CAMTA1: variants seen among roughly 807,000 people sequenced by gnomAD.
CAMTA1 encodes calmodulin binding transcription activator 1.
In CAMTA1, 27 loss-of-function variants were observed where a neutral mutation model predicts 170.9. The observed-to-expected ratio is 0.16, with a 90% confidence interval of 0.12 to 0.22. The LOEUF (loss-of-function observed/expected upper bound fraction) is 0.22. CAMTA1 is among the 10% of genes least tolerant of loss of function. CAMTA1 has a pLI of 1.00. For missense variants in CAMTA1, 1,619 were observed against 2,217.2 expected (o/e 0.73, Z 5.42); for synonymous variants, 833 against 891.5 (o/e 0.93, Z 1.17).
intron 4 of CAMTA1, among the ~76,000 whole-genome samples, chr1:7,214,778 C>T (rs1659451884): frequency 6.6e-6 from 1 of 152,018 alleles, no homozygotes; most frequent in African/African-American, 2.4e-5. Flanking sequence ...AAATTTTCTC[C>T]TATGTTTTAA....
At chr1:7,717,103 A>G (rs750251514) in intron 11 of CAMTA1, among the ~76,000 whole-genome samples, 3 of 152,170 alleles carry the variant, frequency 2.0e-5, no homozygotes, top group Non-Finnish European at 4.4e-5. Flanking sequence ...TAGAATAGTC[A>G]TTACCAGAGG....
chr1:7,221,809 G>A (rs1451980825), intron 4 of CAMTA1, among the ~76,000 whole-genome samples: 1 of 152,130 alleles, frequency 6.6e-6, no homozygotes, highest in African/African-American at 2.4e-5. Context: ...ATAAAGGAAT[G>A]GCAAAGTTTT....
chr1:7,130,130 G>A (rs1173255191), intron 4 of CAMTA1, among the ~76,000 whole-genome samples: 1 of 151,942 alleles, frequency 6.6e-6, no homozygotes, highest in Admixed American at 6.6e-5. Flanking sequence ...GTAGAGACGG[G>A]GTTTCACCAT....
intron 5 of CAMTA1, among the ~76,000 whole-genome samples, chr1:7,303,278 A>C (rs1381943797): frequency 6.6e-6 from 1 of 152,226 alleles, no homozygotes; most frequent in Non-Finnish European, 1.5e-5. Context: ...GCTTTGAATT[A>C]AAGAAACATT....
At chr1:7,627,897 A>C (rs1281193995) in intron 6 of CAMTA1, among the ~76,000 whole-genome samples, 2 of 152,220 alleles carry the variant, frequency 1.3e-5, no homozygotes, top group Admixed American at 6.5e-5. Context: ...AGTTCTCAGC[A>C]ATCATAGCGG....
intron 21 of CAMTA1, among the ~76,000 whole-genome samples, chr1:7,753,391 T>C (rs2096910957): frequency 6.6e-6 from 1 of 152,202 alleles, no homozygotes; most frequent in Non-Finnish European, 1.5e-5. Context: ...TGTGGTTGGG[T>C]TGTTGCTCTG....
At chr1:6,940,599 A>G (rs970415256) in intron 3 of CAMTA1, among the ~76,000 whole-genome samples, 1 of 152,118 alleles carries the variant, frequency 6.6e-6, no homozygotes, top group Non-Finnish European at 1.5e-5. Context: ...CCTCCTGGGG[A>G]CCTAGTGCCA....
In CAMTA1 at chr1:7,521,550, C is replaced by CT. The variant is rs1038730476; in HGVS notation, c.510+53659dup. ...CACCACCGTTGCATGTCCACAGTTC[C>CT]TTTTTTTTTTCAGATGGAGGCTTGC... On this transcript the variant is annotated intron_variant, in intron 6 of 22. Transcript: ENST00000303635. Among the ~76,000 whole-genome samples the CT allele has an allele frequency of 7.0e-3, 1,037 of 147,814 alleles. 13 individuals are homozygous for CT. Among genetic ancestry groups the CT allele is most frequent in the African/African-American group, 0.024 (969 of 40,362 alleles).
At position 7,199,519 on chromosome 1, in the gene CAMTA1, C is replaced by G. The variant is rs541613332; in HGVS notation, c.303-49972C>G. On this transcript the variant is annotated intron_variant, in intron 4 of 22. Coordinates refer to ENST00000303635, the MANE Select transcript of CAMTA1 (RefSeq NM_015215.4). ...GCCCCCATGTCCTGTGCCTGGTGCA[C>G]AACCCCCTTCCCCTGTCCTTCTCCG... Among the ~76,000 whole-genome samples, 17 of 152,334 alleles carry G rather than the reference C, an allele frequency of 1.1e-4. No individual in the cohort carries two copies. The East Asian group carries it at 3.3e-3, about 29-fold the overall frequency.
chr1:7,118,215 G>T (rs1644445768), intron 4 of CAMTA1, among the ~76,000 whole-genome samples: 1 of 151,748 alleles, frequency 6.6e-6, no homozygotes, highest in Non-Finnish European at 1.5e-5. Flanking sequence ...TGAGGGCATT[G>T]CCTGATGGAG....
intron 6 of CAMTA1, among the ~76,000 whole-genome samples, chr1:7,484,567 A>T (rs952030990): frequency 5.9e-5 from 9 of 152,332 alleles, no homozygotes; most frequent in Non-Finnish European, 1.3e-4. Flanking sequence ...AGGCAGGTGG[A>T]TCACAAGGTC....
chr1:6,879,421 C>T (rs908168199), intron 3 of CAMTA1, among the ~76,000 whole-genome samples: 1 of 152,084 alleles, frequency 6.6e-6, no homozygotes, highest in Admixed American at 6.5e-5. Flanking sequence ...GAGTAAACAG[C>T]CATTTGTGGT....
At position 7,663,810 on chromosome 1, in the gene CAMTA1, C is replaced by A; in HGVS notation, c.1263C>A (p.His421Gln). 5 of 1,614,194 alleles carry A rather than the reference C, an allele frequency of 3.1e-6. No homozygotes were observed. The highest frequency in any genetic ancestry group is 1.7e-5 in the Admixed American group (1 of 60,026). The change falls in exon 9 of 23, where the codon CAC becomes CAA. Residue 421 changes from histidine to glutamine, a missense_variant. Physicochemically the swap from His to Gln is conservative, Grantham distance 24. Transcript: ENST00000303635. ...CCCCCACCGCTGGCCCCAACCACCACCTCCTCTCACCTGACGCCTCTCAGG... is the reference window on the plus strand; with the variant it reads ...CCCCCACCGCTGGCCCCAACCACCAACTCCTCTCACCTGACGCCTCTCAGG... ...TMSPTAGPNH[H>Q]LLSPDASQGL... is the part of the protein sequence containing the mutation.
intron 3 of CAMTA1, among the ~76,000 whole-genome samples, chr1:6,994,336 C>T (rs1027871778): frequency 6.6e-6 from 1 of 152,090 alleles, no homozygotes; most frequent in Non-Finnish European, 1.5e-5. Context: ...TTTCATTTAA[C>T]TTTATTTCAT....
chr1:6,952,039 A>G (rs937497568), intron 3 of CAMTA1, among the ~76,000 whole-genome samples: 8 of 152,170 alleles, frequency 5.3e-5, no homozygotes, highest in Admixed American at 2.0e-4. Context: ...CCACTCTGCC[A>G]GCCTGCCGTC....
chr1:7,724,818 CAAAAAAAAAAA>C lies in CAMTA1; in HGVS notation c.2915-7621_2915-7611del, dbSNP rs960235639. Reference sequence around the variant, plus strand: ...AGCCTGGGCAACAGAGCGAGACTCTCAAAAAAAAAAAAAAAAAAAGATCGCATGTATTAGTT... The same window carrying C: ...AGCCTGGGCAACAGAGCGAGACTCTCAAAAAAAAGATCGCATGTATTAGTT... On this transcript the variant is annotated intron_variant, in intron 11 of 22. Coordinates refer to ENST00000303635, the MANE Select transcript of CAMTA1 (RefSeq NM_015215.4). Among the ~76,000 whole-genome samples, 13 of 85,336 alleles carry C rather than the reference CAAAAAAAAAAA, an allele frequency of 1.5e-4. No homozygotes were observed. The East Asian group carries it at 2.0e-3, about 13-fold the overall frequency. The allele number at this position is 85,336 out of a possible 152,430, so 56.0% of individuals were successfully genotyped here.
At chr1:6,926,345 T>TTCCTC (rs1452241039) in intron 3 of CAMTA1, among the ~76,000 whole-genome samples, 1 of 143,158 alleles carries the variant, frequency 7.0e-6, no homozygotes, top group Non-Finnish European at 1.5e-5. Context: ...CTCCTTTCCT[T>TTCCTC]TCCTCCCTCC....
intron 3 of CAMTA1, among the ~76,000 whole-genome samples, chr1:7,085,696 G>C: frequency 6.6e-6 from 1 of 152,264 alleles, no homozygotes. Context: ...CAGGAGTCAG[G>C]TTGGCACAGC....
At chr1:6,949,382 AG>A (rs1381790401) in intron 3 of CAMTA1, among the ~76,000 whole-genome samples, 1 of 152,236 alleles carries the variant, frequency 6.6e-6, no homozygotes, top group African/African-American at 2.4e-5. Context: ...AGACATATGC[AG>A]GGGGTCCCCA....
Sources: allele counts gnomAD v4.1 joint callset (sites outside exome capture counted in the v4.1 genomes callset), GRCh38; gene constraint gnomAD v4.1.1; transcripts MANE v1.5; gene names NCBI Gene and HGNC (gene_info 2026-07-23, HGNC 2026-07-21).